ARHGAP28: variants seen among roughly 807,000 people sequenced by gnomAD.
ARHGAP28 encodes rho GTPase-activating protein 28.
ARHGAP28 carries 56 observed loss-of-function variants against 90.7 expected under a neutral mutation model. The observed-to-expected ratio is 0.62, with a 90% confidence interval of 0.50 to 0.77. The LOEUF (loss-of-function observed/expected upper bound fraction) is 0.77. ARHGAP28 is among the 30% of genes least tolerant of loss of function. ARHGAP28 has a pLI of 0.00. For missense variants in ARHGAP28, 869 were observed against 900.9 expected (o/e 0.96, Z 0.45); for synonymous variants, 308 against 323.3 (o/e 0.95, Z 0.51).
At chr18:6,761,752 C>A (rs1449002777) in intron 1 of ARHGAP28, among the ~76,000 whole-genome samples, 2 of 152,212 alleles carry the variant, frequency 1.3e-5, no homozygotes, top group African/African-American at 4.8e-5. Flanking sequence ...TGGTTTTCAA[C>A]TTGGGCTCTG....
In ARHGAP28 at chr18:6,915,478, T is replaced by A. The variant is rs543496339; in HGVS notation, c.*3324T>A. 3 of 152,286 alleles carry A rather than the reference T, an allele frequency of 2.0e-5. No homozygotes were observed. The highest frequency in any genetic ancestry group is 7.2e-5 in the African/African-American group (3 of 41,552). 9.4% of individuals were successfully genotyped at this position (152,286 alleles called of 1,614,324 possible). A position where few individuals can be genotyped will look rare whatever the true frequency, so the allele number is the denominator to read the frequency against. ...GGATTAAAATGTTTGTTTTCAAGCA[T>A]TTTTAACAGTTTTACACACTTACAT... is the stretch of plus-strand genomic sequence containing the variant. On this transcript the variant is annotated 3_prime_UTR_variant, in exon 18 of 18. Transcript: ENST00000383472.
chr18:6,795,073 A>C (rs1449734275), intron 1 of ARHGAP28, among the ~76,000 whole-genome samples: 1 of 152,300 alleles, frequency 6.6e-6, no homozygotes, highest in East Asian at 1.9e-4. Context: ...GAAGCACTGA[A>C]GTTTTATTTT....
intron 5 of ARHGAP28, among the ~76,000 whole-genome samples, chr18:6,860,837 G>A (rs931736143): frequency 1.1e-4 from 16 of 152,184 alleles, no homozygotes; most frequent in Admixed American, 9.8e-4. Context: ...AATAATATGA[G>A]TGACTTTTAT....
intron 3 of ARHGAP28, among the ~76,000 whole-genome samples, chr18:6,841,208 C>CTCCTCTCTCTCTCTCTCTCCTCT (rs1555631529): frequency 2.3e-5 from 1 of 43,136 alleles, no homozygotes; most frequent in African/African-American, 9.2e-5. Context: ...TCTCTCCTCT[C>CTCCTCTCTCTCTCTCTCTCCTCT]CTCTCTCTCT....
At chr18:6,886,334 A>G (rs1654329844) in intron 11 of ARHGAP28, among the ~76,000 whole-genome samples, 1 of 152,162 alleles carries the variant, frequency 6.6e-6, no homozygotes, top group Non-Finnish European at 1.5e-5. Flanking sequence ...AGGAAAGCCT[A>G]GATTCTCTGG....
chr18:6,752,932 A>C (rs1050093378), intron 1 of ARHGAP28, among the ~76,000 whole-genome samples: 2 of 125,026 alleles, frequency 1.6e-5, no homozygotes, highest in African/African-American at 5.5e-5. Flanking sequence ...TTCATTTTTT[A>C]CCCACTAATT....
At chr18:6,815,256 G>C (rs2056582408) in intron 1 of ARHGAP28, among the ~76,000 whole-genome samples, 1 of 152,140 alleles carries the variant, frequency 6.6e-6, no homozygotes, top group Non-Finnish European at 1.5e-5. Context: ...AGCCGAACAG[G>C]GAGCAAGATC....
At chr18:6,868,920 T>A (rs1420323115) in intron 6 of ARHGAP28, among the ~76,000 whole-genome samples, 1 of 152,072 alleles carries the variant, frequency 6.6e-6, no homozygotes, top group African/African-American at 2.4e-5. Flanking sequence ...GCAGGTACAC[T>A]TTAAATGGGT....
At chr18:6,769,281 A>G (rs1399607836) in intron 1 of ARHGAP28, among the ~76,000 whole-genome samples, 1 of 152,064 alleles carries the variant, frequency 6.6e-6, no homozygotes, top group Admixed American at 6.6e-5. Context: ...CCTGTTTCCC[A>G]ATCATCTTTC....
intron 12 of ARHGAP28, among the ~76,000 whole-genome samples, chr18:6,887,936 G>A (rs2057235356): frequency 6.6e-6 from 1 of 152,216 alleles, no homozygotes; most frequent in South Asian, 2.1e-4. Context: ...TTAGTCTGGT[G>A]TACTGAAGTG....
At chr18:6,816,441 G>A (rs547196507) in intron 1 of ARHGAP28, among the ~76,000 whole-genome samples, 6 of 152,296 alleles carry the variant, frequency 3.9e-5, no homozygotes, top group African/African-American at 1.4e-4. Flanking sequence ...ATTCCAGAGA[G>A]TCAGTGGTTT....
intron 10 of ARHGAP28, among the ~76,000 whole-genome samples, chr18:6,876,454 T>C (rs1293428826): frequency 6.6e-6 from 1 of 152,166 alleles, no homozygotes; most frequent in Non-Finnish European, 1.5e-5. Flanking sequence ...CAATTCACCA[T>C]CAAAAACTGC....
intron 10 of ARHGAP28, among the ~76,000 whole-genome samples, chr18:6,881,516 T>C (rs2057177785): frequency 6.6e-6 from 1 of 152,132 alleles, no homozygotes; most frequent in Non-Finnish European, 1.5e-5. Flanking sequence ...GGCTTAGAGG[T>C]TTTTTTAAAA....
Position 6,817,664 on chromosome 18 carries a change from C to T in ARHGAP28, c.123-7098C>T, listed in dbSNP as rs138176481. Among the ~76,000 whole-genome samples the T allele has an allele frequency of 9.2e-3, 1,396 of 152,284 alleles. 24 individuals are homozygous for T. Among genetic ancestry groups the T allele is most frequent in the African/African-American group, 0.032 (1,312 of 41,560 alleles). The stretch of plus-strand genomic sequence containing the variant: ...TCAGTAATATCAAGGCCAATTGCTA[C>T]AATTTCTTGGCTTTTCTCTCATAAT... On this transcript the variant is annotated intron_variant, in intron 1 of 17. Coordinates refer to ENST00000383472, the MANE Select transcript of ARHGAP28 (RefSeq NM_001366230.1).
In ARHGAP28 at chr18:6,874,225, G is replaced by A. The variant is rs1221670398; in HGVS notation, c.1212+450G>A. Among the ~76,000 whole-genome samples, 3 of 152,170 alleles carry A rather than the reference G, an allele frequency of 2.0e-5. No homozygotes were observed. In the South Asian group the frequency reaches 6.2e-4, roughly 31 times the overall value. ...AGCATAGGCTGGGTTTTAAAAATGT[G>A]TATATGTGTAATCATTTTATCAATT... On this transcript the variant is annotated intron_variant, in intron 9 of 17. Transcript: ENST00000383472.
At chr18:6,732,331 C>T (rs780109830) in intron 1 of ARHGAP28, among the ~76,000 whole-genome samples, 6 of 152,122 alleles carry the variant, frequency 3.9e-5, no homozygotes, top group South Asian at 2.1e-4. Flanking sequence ...TGGCCAGCAA[C>T]GTGTTAGGCA....
intron 1 of ARHGAP28, among the ~76,000 whole-genome samples, chr18:6,812,037 TCTGA>T (rs1405006618): frequency 7.9e-5 from 12 of 152,322 alleles, no homozygotes; most frequent in African/African-American, 2.6e-4. Context: ...CAGGTTGTTT[TCTGA>T]CTAAGAATGC....
At chr18:6,817,407 T>C (rs939226555) in intron 1 of ARHGAP28, among the ~76,000 whole-genome samples, 5 of 152,152 alleles carry the variant, frequency 3.3e-5, no homozygotes, top group African/African-American at 9.7e-5. Flanking sequence ...CAGGTTGTGT[T>C]GACTATAAAT....
At chr18:6,851,246 A>G in intron 4 of ARHGAP28, 120 bp downstream of exon 4, 1 of 840,096 alleles carries the variant, frequency 1.2e-6, no homozygotes, top group Non-Finnish European at 1.9e-6. Context: ...CACAGATTTC[A>G]ACACACTTAT....
Sources: allele counts gnomAD v4.1 joint callset (sites outside exome capture counted in the v4.1 genomes callset), GRCh38; gene constraint gnomAD v4.1.1; transcripts MANE v1.5; gene names NCBI Gene and HGNC (gene_info 2026-07-23, HGNC 2026-07-21).